GABBR2: variants seen among roughly 807,000 people sequenced by gnomAD.
GABBR2 encodes gamma-aminobutyric acid type B receptor subunit 2, also known as G-protein coupled receptor 51.
A neutral mutation model predicts 105.6 loss-of-function variants in GABBR2; 23 were observed. That is an observed-to-expected ratio of 0.22 (90% CI 0.16 to 0.31). GABBR2 has a LOEUF of 0.31. Ranked by LOEUF, GABBR2 falls within the 10% of genes least tolerant of loss-of-function variation. The pLI is 1.00. For synonymous variants in GABBR2, 478 were observed against 499.7 expected (o/e 0.96, Z 0.58); for missense variants, 734 against 1,245.5 (o/e 0.59, Z 6.18).
At chr9:98,479,673 G>A (rs1588184479) in intron 5 of GABBR2, among the ~76,000 whole-genome samples, 1 of 152,308 alleles carries the variant, frequency 6.6e-6, no homozygotes, top group Middle Eastern at 3.4e-3. Context: ...TCCAAAACAG[G>A]CCACCAGGAG....
chr9:98,661,737 C>A (rs1420669692), intron 1 of GABBR2, among the ~76,000 whole-genome samples: 1 of 152,194 alleles, frequency 6.6e-6, no homozygotes, highest in South Asian at 2.1e-4. Context: ...CGGACCACTG[C>A]CCAAATTATC....
At chr9:98,556,381 A>G (rs1428727406) in intron 2 of GABBR2, among the ~76,000 whole-genome samples, 2 of 152,134 alleles carry the variant, frequency 1.3e-5, no homozygotes, top group Non-Finnish European at 2.9e-5. Flanking sequence ...GGTTCAGTTT[A>G]CCCTGTGAGC....
In GABBR2 at chr9:98,306,004, CT is replaced by C; in HGVS notation, c.2229+116del. On this transcript the variant is annotated intron_variant, in intron 15 of 18. Transcript: ENST00000259455. This position sits in a 1 kb window ranked among gnomAD's most constrained non-coding sequence, Gnocchi z 5.4. Reference sequence around the variant, plus strand: ...CTGAATTTTCTATAATGTGAATTGTCTTCATCATAAAAAAAAAAAGGAATGG... The same window carrying C: ...CTGAATTTTCTATAATGTGAATTGTCTCATCATAAAAAAAAAAAGGAATGG... 2 of 697,944 alleles carry C rather than the reference CT, an allele frequency of 2.9e-6. No individual in the cohort carries two copies. The highest frequency in any genetic ancestry group is 2.4e-6 in the Non-Finnish European group (1 of 413,854). The allele number at this position is 697,944 out of a possible 1,614,324, so 43.2% of individuals were successfully genotyped here. A position where few individuals can be genotyped will look rare whatever the true frequency, so the allele number is the denominator to read the frequency against.
In GABBR2 at chr9:98,540,080, C is replaced by T. The variant is rs374435815; in HGVS notation, c.630+1793G>A. On this transcript the variant is annotated intron_variant, in intron 3 of 18. Coordinates refer to ENST00000259455, the MANE Select transcript of GABBR2 (RefSeq NM_005458.8). ...AACATTTCTCGCTTCTCTATGAAGG[C>T]GGCCTTTCAGCAAAAGCCTCTTCAG... Among the ~76,000 whole-genome samples the T allele has an allele frequency of 5.3e-5, 8 of 152,242 alleles. No individual in the cohort carries two copies. In the South Asian group the frequency reaches 1.7e-3, roughly 32 times the overall value.
intron 2 of GABBR2, among the ~76,000 whole-genome samples, chr9:98,550,674 G>A (rs1256374530): frequency 1.3e-5 from 2 of 152,168 alleles, no homozygotes; most frequent in African/African-American, 4.8e-5. Context: ...TTTCCCAGCT[G>A]TGCAAACTTA....
intron 8 of GABBR2, among the ~76,000 whole-genome samples, chr9:98,404,377 C>CAAGA (rs1832452609): frequency 6.6e-6 from 1 of 152,204 alleles, no homozygotes; most frequent in South Asian, 2.1e-4. Context: ...GGTATGTCTA[C>CAAGA]AAGATTGCAT....
intron 7 of GABBR2, among the ~76,000 whole-genome samples, chr9:98,442,485 A>G (rs1270795983): frequency 6.6e-6 from 1 of 152,266 alleles, no homozygotes; most frequent in Non-Finnish European, 1.5e-5. Context: ...TCTACTCACT[A>G]GCTCTGTCAC....
chr9:98,329,830 C>T (rs998389721), intron 13 of GABBR2, among the ~76,000 whole-genome samples: 1 of 151,942 alleles, frequency 6.6e-6, no homozygotes. Flanking sequence ...TCCCTTCCCT[C>T]CCCATCTCTC....
intron 1 of GABBR2, among the ~76,000 whole-genome samples, chr9:98,611,356 C>G (rs1172572442): frequency 6.6e-6 from 1 of 152,198 alleles, no homozygotes; most frequent in Non-Finnish European, 1.5e-5. Flanking sequence ...ACCACACTTA[C>G]TGTCACCCCA....
intron 1 of GABBR2, among the ~76,000 whole-genome samples, chr9:98,604,398 G>A (rs1829382670): frequency 6.6e-6 from 1 of 152,184 alleles, no homozygotes; most frequent in East Asian, 1.9e-4. Context: ...CTTGGTCTCT[G>A]CTCCAACATC....
intron 2 of GABBR2, among the ~76,000 whole-genome samples, chr9:98,551,285 C>A (rs1828481333): frequency 6.6e-6 from 1 of 152,128 alleles, no homozygotes; most frequent in Non-Finnish European, 1.5e-5. Context: ...CACCTGTAAT[C>A]CCAGCTACCC....
intron 1 of GABBR2, among the ~76,000 whole-genome samples, chr9:98,641,577 G>A (rs953471819): frequency 2.0e-5 from 3 of 152,108 alleles, no homozygotes; most frequent in Non-Finnish European, 2.9e-5. Context: ...ATAAAGCAAC[G>A]GGCATGCATG....
intron 7 of GABBR2, among the ~76,000 whole-genome samples, chr9:98,447,722 C>G (rs993462083): frequency 2.0e-5 from 3 of 151,988 alleles, no homozygotes; most frequent in African/African-American, 7.3e-5. Flanking sequence ...TCTCTGGCTA[C>G]CTAGTTTGAC....
At chr9:98,657,521 G>A (rs1287853889) in intron 1 of GABBR2, among the ~76,000 whole-genome samples, 1 of 152,182 alleles carries the variant, frequency 6.6e-6, no homozygotes, top group African/African-American at 2.4e-5. Context: ...AAGGGACCCT[G>A]TTTTAGCGGA....
chr9:98,696,605 T>C (rs572799201), intron 1 of GABBR2, among the ~76,000 whole-genome samples: 14 of 152,340 alleles, frequency 9.2e-5, no homozygotes, highest in Admixed American at 2.6e-4. Context: ...TTTGGAGTTA[T>C]CTCCCTACAC....
rs577543785 is a variant in GABBR2, at chr9:98,578,188, T to C, written c.322-116A>G. ...AACCTTCTGGGTTTCAGTTCTCCCA[T>C]GGTGGGGAGTCTCCTTAAGCCAGCC... On this transcript the variant is annotated intron_variant, in intron 1 of 18. Transcript: ENST00000259455. 7 of 1,161,090 alleles carry C rather than the reference T, an allele frequency of 6.0e-6. No homozygotes were observed. In the African/African-American group the frequency reaches 1.1e-4, roughly 18 times the overall value. The allele number at this position is 1,161,090 out of a possible 1,614,324, so 71.9% of individuals were successfully genotyped here. A position where few individuals can be genotyped will look rare whatever the true frequency, so the allele number is the denominator to read the frequency against.
At chr9:98,617,091 G>T (rs1167773) in intron 1 of GABBR2, among the ~76,000 whole-genome samples, 1 of 152,140 alleles carries the variant, frequency 6.6e-6, no homozygotes, top group African/African-American at 2.4e-5. Flanking sequence ...GAATTTTCCT[G>T]GGTCCCTGCT....
At chr9:98,596,411 A>C (rs1829234515) in intron 1 of GABBR2, among the ~76,000 whole-genome samples, 1 of 152,144 alleles carries the variant, frequency 6.6e-6, no homozygotes, top group Admixed American at 6.5e-5. Flanking sequence ...CAGTCACAGC[A>C]CAGCCTTGGG....
chr9:98,619,916 A>G (rs552767914), intron 1 of GABBR2, among the ~76,000 whole-genome samples: 1 of 152,358 alleles, frequency 6.6e-6, no homozygotes, highest in African/African-American at 2.4e-5. Flanking sequence ...GCATGCCTGC[A>G]TATGAACCCC....
Sources: allele counts gnomAD v4.1 joint callset (sites outside exome capture counted in the v4.1 genomes callset), GRCh38; gene constraint gnomAD v4.1.1; non-coding constraint Gnocchi (gnomAD v3.1); transcripts MANE v1.5; gene names NCBI Gene and HGNC (gene_info 2026-07-23, HGNC 2026-07-21).